EXT1: variants seen among roughly 807,000 people sequenced by gnomAD.
The protein encoded by EXT1 is exostosin-1.
Under a neutral mutation model 82.5 loss-of-function variants are expected in EXT1, and 20 were observed. That is an observed-to-expected ratio of 0.24 (90% CI 0.17 to 0.35). The LOEUF is 0.35. Among genes scored for constraint, EXT1 ranks in the 10% least tolerant of loss-of-function variants. The pLI is 1.00. For missense variants in EXT1, 757 were observed against 936.5 expected (o/e 0.81, Z 2.50); for synonymous variants, 348 against 350.8 (o/e 0.99, Z 0.09).
intron 1 of EXT1, among the ~76,000 whole-genome samples, chr8:117,957,102 C>T (rs914695087): frequency 6.6e-6 from 1 of 152,128 alleles, no homozygotes; most frequent in African/African-American, 2.4e-5. Context: ...TGTGTCTTGG[C>T]GACAGCACTG....
chr8:117,837,243 G>T, intron 1 of EXT1, 42 bp from the exon 2 acceptor site: 1 of 1,510,514 alleles, frequency 6.6e-7, no homozygotes, highest in Non-Finnish European at 9.2e-7. Flanking sequence ...AAGACTCATT[G>T]CGAATGTGGG....
chr8:117,836,439 A>T (rs993025059), intron 2 of EXT1, among the ~76,000 whole-genome samples: 3 of 152,218 alleles, frequency 2.0e-5, no homozygotes, highest in Non-Finnish European at 2.9e-5. Context: ...GTGCAGGGCA[A>T]GAGGAGGAAA....
chr8:118,102,732 C>G (rs1817740939), intron 1 of EXT1, among the ~76,000 whole-genome samples: 1 of 152,076 alleles, frequency 6.6e-6, no homozygotes, highest in African/African-American at 2.4e-5. Context: ...CAAAGTTTAC[C>G]AATAGTGGCT....
chr8:117,929,019 A>T (rs1276713431), intron 1 of EXT1, among the ~76,000 whole-genome samples: 1 of 152,188 alleles, frequency 6.6e-6, no homozygotes, highest in African/African-American at 2.4e-5. Flanking sequence ...CATTTGCATT[A>T]AGTCTGAATC....
At chr8:117,876,644 TG>T (rs968178900) in intron 1 of EXT1, among the ~76,000 whole-genome samples, 1 of 152,190 alleles carries the variant, frequency 6.6e-6, no homozygotes, top group Non-Finnish European at 1.5e-5. Flanking sequence ...ATGGGAGATG[TG>T]GGGCATGGCA....
intron 7 of EXT1, among the ~76,000 whole-genome samples, chr8:117,814,101 GAGA>G (rs892918749): frequency 4.0e-5 from 6 of 151,338 alleles, no homozygotes; most frequent in African/African-American, 7.3e-5. Context: ...GAAGGAGAAG[GAGA>G]AGAAGAAGAA....
At chr8:117,858,845 GAAAGAAAGAAAGAAAGAAAGAAAGA>G (rs1812628243) in intron 1 of EXT1, among the ~76,000 whole-genome samples, 1 of 78,800 alleles carries the variant, frequency 1.3e-5, no homozygotes, top group Non-Finnish European at 2.3e-5. Context: ...AGGAAGGAAG[GAAAGAAAGAAAGAAAGAAAGAAAGA>G]AAGAAAGAAA....
At chr8:118,093,973 C>T (rs17431784) in intron 1 of EXT1, among the ~76,000 whole-genome samples, 5,109 of 152,322 alleles carry the variant, frequency 0.034, 104 homozygotes, top group South Asian at 0.077. Flanking sequence ...ACTGTTATCG[C>T]GCTTCCTGAT....
chr8:118,110,066 C>G lies in EXT1; in HGVS notation c.962+19G>C. ...AGCCCAAGGCTGACTCCCAAAGACA[C>G]GCCAGCCCAGACACTTACTTCTCAT... On this transcript the variant is annotated intron_variant, in intron 1 of 10. Coordinates refer to ENST00000378204, the MANE Select transcript of EXT1 (RefSeq NM_000127.3). 1 of 1,613,190 alleles carries G rather than the reference C, an allele frequency of 6.2e-7. No individual in the cohort carries two copies. Among genetic ancestry groups the G allele is most frequent in the Non-Finnish European group, 8.5e-7 (1 of 1,180,018 alleles).
Position 117,958,835 on chromosome 8 carries a change from C to T in EXT1, c.963-121634G>A, listed in dbSNP as rs967676322. On this transcript the variant is annotated intron_variant, in intron 1 of 10. Coordinates refer to ENST00000378204, the MANE Select transcript of EXT1 (RefSeq NM_000127.3). ...TATTCCATTGAAAACAGATTCAAGGCCTTTTTTTCTTTCCTAAATATGCCA... is the reference window on the plus strand; with the variant it reads ...TATTCCATTGAAAACAGATTCAAGGTCTTTTTTTCTTTCCTAAATATGCCA... 2.0e-5 allele frequency among the ~76,000 whole-genome samples: 3 copies of T among 152,164 alleles called. No homozygotes were observed. The East Asian group carries it at 5.8e-4, about 29-fold the overall frequency.
chr8:118,022,326 C>CTTTTTTTTTTTTTTTTTTTTT (rs71307420), intron 1 of EXT1, among the ~76,000 whole-genome samples: 1 of 46,176 alleles, frequency 2.2e-5, no homozygotes, highest in Non-Finnish European at 4.1e-5. Flanking sequence ...CATATATATT[C>CTTTTTTTTTTTTTTTTTTTTT]TTTTTTTTTT....
At chr8:118,004,231 G>C (rs1815729922) in intron 1 of EXT1, among the ~76,000 whole-genome samples, 1 of 152,238 alleles carries the variant, frequency 6.6e-6, no homozygotes, top group Non-Finnish European at 1.5e-5. Context: ...CAAGAAGAGA[G>C]GGATTCACGT....
At chr8:117,815,986 G>A (rs1217042007) in intron 7 of EXT1, among the ~76,000 whole-genome samples, 1 of 149,906 alleles carries the variant, frequency 6.7e-6, no homozygotes, top group Non-Finnish European at 1.5e-5. Flanking sequence ...CAAGACTCAA[G>A]AAGTTTACTG....
rs7009400 is a variant in EXT1, at chr8:118,108,574, G to C, written c.962+1511C>G. On this transcript the variant is annotated intron_variant, in intron 1 of 10. Coordinates refer to ENST00000378204, the MANE Select transcript of EXT1 (RefSeq NM_000127.3). ...TTCATACATAACTGCCCCTGGATGA[G>C]AGGAAAATATGGATTCATAATTGAT... is the stretch of plus-strand genomic sequence containing the variant. Among the ~76,000 whole-genome samples, 1,097 of 152,344 alleles carry C rather than the reference G, an allele frequency of 7.2e-3. 19 individuals are homozygous for C. Among genetic ancestry groups the C allele is most frequent in the African/African-American group, 0.024 (1,003 of 41,574 alleles).
At chr8:117,916,327 C>G (rs1813747949) in intron 1 of EXT1, among the ~76,000 whole-genome samples, 1 of 152,088 alleles carries the variant, frequency 6.6e-6, no homozygotes, top group South Asian at 2.1e-4. Context: ...ATTTTTAGGT[C>G]AGAGTAATTC....
chr8:117,825,813 T>A (rs1392122488), intron 4 of EXT1, among the ~76,000 whole-genome samples: 1 of 152,226 alleles, frequency 6.6e-6, no homozygotes, highest in Non-Finnish European at 1.5e-5. Flanking sequence ...CTATGGTTCG[T>A]ATGTGCATGA....
rs115823639 is a variant in EXT1, at chr8:117,920,377, C to T, written c.963-83176G>A. On this transcript the variant is annotated intron_variant, in intron 1 of 10. Coordinates refer to ENST00000378204, the MANE Select transcript of EXT1 (RefSeq NM_000127.3). The stretch of plus-strand genomic sequence containing the variant: ...CCTCGGCCTCCAAGTGCTGGGATTA[C>T]GGGCATGAGCCACCGCACCTGGCCC... Among the ~76,000 whole-genome samples the T allele has an allele frequency of 2.5e-3, 377 of 152,292 alleles. 2 individuals carry two copies. The highest frequency in any genetic ancestry group is 8.2e-3 in the African/African-American group (340 of 41,556).
chr8:118,004,190 T>G (rs993267227), intron 1 of EXT1, among the ~76,000 whole-genome samples: 3 of 152,228 alleles, frequency 2.0e-5, no homozygotes, highest in Non-Finnish European at 4.4e-5. Flanking sequence ...TTGTTTAAAT[T>G]TTCTGTCCTC....
At chr8:117,960,967 AAAG>A (rs1415758059) in intron 1 of EXT1, among the ~76,000 whole-genome samples, 3 of 152,216 alleles carry the variant, frequency 2.0e-5, no homozygotes, top group African/African-American at 7.2e-5. Flanking sequence ...AGTATCAAAA[AAAG>A]AAGAACAAGG....
Sources: gnomAD v4.1 joint callset for allele counts (sites outside exome capture counted in the v4.1 genomes callset) on GRCh38, gnomAD v4.1.1 for gene constraint, MANE v1.5 for transcripts, NCBI Gene and HGNC (gene_info 2026-07-23, HGNC 2026-07-21) for gene names.